The following ABCC4 variants were observed in gnomAD, a reference collection of about 807,000 sequenced individuals.
ABCC4 encodes the protein ATP binding cassette subfamily C member 4 (PEL blood group), also known as ATP-binding cassette sub-family C member 4.
In ABCC4, 102 loss-of-function variants were observed where a neutral mutation model predicts 168.5. The ratio of observed to expected loss-of-function variants is 0.61; its 90% CI spans 0.52 to 0.71. The LOEUF is 0.71. Ranked by LOEUF, ABCC4 falls within the 30% of genes least tolerant of loss-of-function variation. ABCC4 has a pLI of 0.00. For missense variants in ABCC4, 1,402 were observed against 1,605.8 expected, an observed-to-expected ratio of 0.87 and a Z score of 2.17; for synonymous variants, 617 against 590.7, an observed-to-expected ratio of 1.04 and a Z score of -0.65.
In ABCC4 at chr13:95,208,172, G is replaced by A. The variant is rs114276866; in HGVS notation, c.786-247C>T. ...CTGAGGAAGACATGAAAATGAGTCA[G>A]ATGTCATCTGTCCCCTCGAGGAGCT... is the stretch of plus-strand genomic sequence containing the variant. On this transcript the variant is annotated intron_variant, in intron 6 of 30. Coordinates refer to ENST00000645237, the MANE Select transcript of ABCC4 (RefSeq NM_005845.5). Among the ~76,000 whole-genome samples, 693 of 152,282 alleles carry A rather than the reference G, an allele frequency of 4.6e-3. 4 individuals are homozygous for A. The highest frequency in any genetic ancestry group is 0.016 in the African/African-American group (656 of 41,562).
At chr13:95,118,840 A>G (rs1440551110) in intron 19 of ABCC4, among the ~76,000 whole-genome samples, 2 of 152,204 alleles carry the variant, frequency 1.3e-5, no homozygotes, top group African/African-American at 2.4e-5. Context: ...GGAACATCCA[A>G]TCGTTGCTGC....
At chr13:95,285,453 G>A (rs1487550869) in intron 1 of ABCC4, among the ~76,000 whole-genome samples, 1 of 151,816 alleles carries the variant, frequency 6.6e-6, no homozygotes, top group African/African-American at 2.4e-5. Flanking sequence ...TGGGGGCTGA[G>A]GCAGGAGAAT....
At chr13:95,049,394 C>A (rs1184898589) in intron 27 of ABCC4, among the ~76,000 whole-genome samples, 1 of 152,016 alleles carries the variant, frequency 6.6e-6, no homozygotes, top group Non-Finnish European at 1.5e-5. Flanking sequence ...GTAATCCCAG[C>A]ACTTTGGGAG....
At chr13:95,046,622 G>T (rs1296015510) in intron 27 of ABCC4, among the ~76,000 whole-genome samples, 1 of 152,096 alleles carries the variant, frequency 6.6e-6, no homozygotes, top group African/African-American at 2.4e-5. Flanking sequence ...AAAAAAATTA[G>T]CTGGGCATGG....
intron 1 of ABCC4, among the ~76,000 whole-genome samples, chr13:95,283,138 C>G (rs987107774): frequency 4.0e-5 from 6 of 151,426 alleles, no homozygotes; most frequent in Non-Finnish European, 5.9e-5. Flanking sequence ...ATCGCTTGAA[C>G]CTGGGAGGCG....
intron 9 of ABCC4, among the ~76,000 whole-genome samples, chr13:95,190,438 T>C (rs2038217600): frequency 6.6e-6 from 1 of 152,336 alleles, no homozygotes; most frequent in Admixed American, 6.5e-5. Flanking sequence ...GGATTAAGTG[T>C]GTATCAGGGA....
chr13:95,119,344 T>A (rs929750391), intron 19 of ABCC4, among the ~76,000 whole-genome samples: 1 of 152,166 alleles, frequency 6.6e-6, no homozygotes, highest in African/African-American at 2.4e-5. Flanking sequence ...ATGGTCAATG[T>A]GGCATTATTT....
chr13:95,043,479 GATTA>G, intron 29 of ABCC4, 199 bp downstream of exon 29: 1 of 464,402 alleles, frequency 2.2e-6, no homozygotes, highest in African/African-American at 1.9e-5. Context: ...TTTTGCATAT[GATTA>G]TATGCAAAGA....
In ABCC4 at chr13:95,218,710, G is replaced by T. The variant is rs372389424; in HGVS notation, c.532-7929C>A. On this transcript the variant is annotated intron_variant, in intron 4 of 30. Coordinates refer to ENST00000645237, the MANE Select transcript of ABCC4 (RefSeq NM_005845.5). ...ACAAAAAAATTTAAAAATTAACCAG[G>T]CATGGTGGCACATGCCTGTAGTCCC... 3.3e-5 allele frequency among the ~76,000 whole-genome samples: 5 copies of T among 151,822 alleles called. No individual in the cohort carries two copies. In the East Asian group the frequency reaches 9.7e-4, roughly 30 times the overall value.
At chr13:95,081,069 C>T (rs115687698) in intron 21 of ABCC4, among the ~76,000 whole-genome samples, 37 of 147,222 alleles carry the variant, frequency 2.5e-4, no homozygotes, top group African/African-American at 6.3e-4. Context: ...GTGATCTGAG[C>T]GCATGGAGAA....
At chr13:95,195,711 G>A (rs1465279398) in intron 8 of ABCC4, among the ~76,000 whole-genome samples, 1 of 151,984 alleles carries the variant, frequency 6.6e-6, no homozygotes, top group African/African-American at 2.4e-5. Flanking sequence ...TCGGTTCGCT[G>A]CAGCCTCCGC....
rs781130586 is a variant in ABCC4, at chr13:95,166,134, T to C, written c.2034+24A>G. ...ATTAACAGTGAACAAAACCAGGCCA[T>C]GTTGTAACAGGAGGTGAACTCACAT... On this transcript the variant is annotated intron_variant, in intron 15 of 30. Coordinates refer to ENST00000645237, the MANE Select transcript of ABCC4 (RefSeq NM_005845.5). The C allele has an allele frequency of 5.9e-5, 94 of 1,594,296 alleles. No homozygotes were observed. The Admixed American group carries it at 1.5e-3, about 25-fold the overall frequency.
At chr13:95,160,419 G>C (rs778545035) in intron 19 of ABCC4, among the ~76,000 whole-genome samples, 9 of 152,144 alleles carry the variant, frequency 5.9e-5, no homozygotes, top group Non-Finnish European at 1.2e-4. Flanking sequence ...TAGGAACCCA[G>C]GTCAGGAAGG....
At chr13:95,264,274 T>C (rs1318067316) in intron 1 of ABCC4, among the ~76,000 whole-genome samples, 1 of 152,072 alleles carries the variant, frequency 6.6e-6, no homozygotes, top group Non-Finnish European at 1.5e-5. Flanking sequence ...ACTTCCACAG[T>C]AATAAGTGAT....
intron 26 of ABCC4, among the ~76,000 whole-genome samples, chr13:95,060,701 CT>C (rs1320898126): frequency 1.1e-4 from 16 of 152,240 alleles, no homozygotes; most frequent in African/African-American, 1.4e-4. Context: ...GAAAGGGATA[CT>C]TTTTTTTCTT....
chr13:95,115,707 C>T (rs1002466080), intron 20 of ABCC4, among the ~76,000 whole-genome samples: 10 of 152,106 alleles, frequency 6.6e-5, no homozygotes, highest in South Asian at 2.1e-4. Context: ...AACCCTGACG[C>T]GACTGTATAG....
chr13:95,074,190 ATAGT>A lies in ABCC4; in HGVS notation c.2917+20_2917+23del. ...GCTATAAATTGTAATCATACCATAC[ATAGT>A]TATTCACATCTGTACTTACTTTTTG... On this transcript the variant is annotated intron_variant, in intron 23 of 30. Transcript: ENST00000645237. 6.5e-7 allele frequency: 1 copy of A among 1,536,082 alleles called. No homozygotes were observed. The highest frequency in any genetic ancestry group is 9.0e-7 in the Non-Finnish European group (1 of 1,116,072).
At chr13:95,047,476 C>CTTTTTTTTTTTTTTTTTTTTTTTTTTTTT (rs71111586) in intron 27 of ABCC4, among the ~76,000 whole-genome samples, 3 of 83,370 alleles carry the variant, frequency 3.6e-5, no homozygotes, top group Non-Finnish European at 4.2e-5. Context: ...ACTGCCTATT[C>CTTTTTTTTTTTTTTTTTTTTTTTTTTTTT]TTTTTTTTTT....
chr13:95,153,676 T>C (rs1252398582), intron 19 of ABCC4, among the ~76,000 whole-genome samples: 1 of 152,194 alleles, frequency 6.6e-6, no homozygotes, highest in Admixed American at 6.5e-5. Context: ...CTTTCTCTGT[T>C]ACTAAGTTGT....
Sources: gnomAD v4.1 joint callset for allele counts (sites outside exome capture counted in the v4.1 genomes callset) on GRCh38, gnomAD v4.1.1 for gene constraint, MANE v1.5 for transcripts, NCBI Gene and HGNC (gene_info 2026-07-23, HGNC 2026-07-21) for gene names.